Variants in MAP4K3 observed in about 807,000 individuals in gnomAD.
MAP4K3 encodes the protein MAPK/ERK kinase kinase kinase 3.
MAP4K3 carries 94 observed loss-of-function variants against 143.5 expected under a neutral mutation model. That is an observed-to-expected ratio of 0.65 (90% CI 0.55 to 0.78). The LOEUF is 0.78. Ranked by LOEUF, MAP4K3 falls within the 30% of genes least tolerant of loss-of-function variation. The pLI, the probability that MAP4K3 is intolerant of heterozygous loss-of-function variation, is 0.00. For missense variants in MAP4K3, 1,077 were observed against 1,068.1 expected (o/e 1.01, Z -0.12); for synonymous variants, 416 against 347.2 (o/e 1.20, Z -2.20).
At chr2:39,279,386 A>G (rs544664325) in intron 23 of MAP4K3, among the ~76,000 whole-genome samples, 52 of 152,312 alleles carry the variant, frequency 3.4e-4, no homozygotes, top group African/African-American at 1.3e-3. Context: ...TCTGAGTGCC[A>G]ATTTCCTTGC....
At chr2:39,309,603 G>C (rs900447694) in intron 13 of MAP4K3, 84 bp from the exon 14 acceptor site, 46 of 695,066 alleles carry the variant, frequency 6.6e-5, no homozygotes, top group Non-Finnish European at 9.6e-5. Context: ...TGTCTCCCAC[G>C]CTGGAGTGCA....
chr2:39,277,414 T>A (rs983970681), intron 24 of MAP4K3, among the ~76,000 whole-genome samples: 1 of 152,210 alleles, frequency 6.6e-6, no homozygotes, highest in African/African-American at 2.4e-5. Context: ...CTGTGGCCAA[T>A]ATCTTATACT....
chr2:39,409,209 T>C (rs1020117380), intron 1 of MAP4K3, among the ~76,000 whole-genome samples: 8 of 152,242 alleles, frequency 5.3e-5, no homozygotes, highest in Non-Finnish European at 7.3e-5. Flanking sequence ...TCCTTTTCTG[T>C]AGCTTACTAT....
At chr2:39,390,347 C>A (rs1376760219) in intron 1 of MAP4K3, among the ~76,000 whole-genome samples, 1 of 152,138 alleles carries the variant, frequency 6.6e-6, no homozygotes, top group Non-Finnish European at 1.5e-5. Context: ...AACAACTCAG[C>A]ATGGAAATTA....
chr2:39,414,145 G>A lies in MAP4K3; in HGVS notation c.96+22747C>T, dbSNP rs544121713. 6.6e-5 allele frequency among the ~76,000 whole-genome samples: 10 copies of A among 152,164 alleles called. No homozygotes were observed. The South Asian group carries it at 1.9e-3, about 28-fold the overall frequency. On this transcript the variant is annotated intron_variant, in intron 1 of 33. Coordinates refer to ENST00000263881, the MANE Select transcript of MAP4K3 (RefSeq NM_003618.4). ...AAGCAACATGTTCCTAATCTCTATA[G>A]AAATAGCCAAATCTAGAAAACAGAA... is the stretch of plus-strand genomic sequence containing the variant.
At chr2:39,307,791 GA>G (rs1480976531) in intron 15 of MAP4K3, 151 bp downstream of exon 15, 4 of 446,092 alleles carry the variant, frequency 9.0e-6, no homozygotes, top group East Asian at 7.0e-5. Context: ...CTTGTTATGG[GA>G]AAAAACTGCT....
chr2:39,270,751 A>G (rs1680982882), intron 26 of MAP4K3, among the ~76,000 whole-genome samples: 1 of 152,202 alleles, frequency 6.6e-6, no homozygotes, highest in East Asian at 1.9e-4. Context: ...GCTCTTTATC[A>G]TCAGATTAAG....
At chr2:39,357,582 T>C (rs1205344403) in intron 2 of MAP4K3, among the ~76,000 whole-genome samples, 2 of 152,222 alleles carry the variant, frequency 1.3e-5, no homozygotes, top group Non-Finnish European at 2.9e-5. Flanking sequence ...ACAGTTGTTA[T>C]GTTGGGTTCT....
chr2:39,355,467 G>C (rs1317936436), intron 3 of MAP4K3, among the ~76,000 whole-genome samples: 1 of 150,624 alleles, frequency 6.6e-6, no homozygotes, highest in South Asian at 2.1e-4. Context: ...GGGAGGTCAA[G>C]GCTGCAGTGA....
chr2:39,314,246 T>C (rs1180846882), intron 13 of MAP4K3, among the ~76,000 whole-genome samples: 4 of 152,130 alleles, frequency 2.6e-5, no homozygotes, highest in Non-Finnish European at 4.4e-5. Context: ...GCCATGCTTG[T>C]CTTGAACTCC....
chr2:39,332,053 A>T (rs996746302), intron 7 of MAP4K3, 64 bp from the exon 8 acceptor site: 10 of 881,690 alleles, frequency 1.1e-5, no homozygotes, highest in Non-Finnish European at 1.6e-5. Context: ...AAGGCAACAT[A>T]AAAAGAAACT....
chr2:39,355,485 T>TCA (rs1186142078), intron 3 of MAP4K3, among the ~76,000 whole-genome samples: 2 of 150,790 alleles, frequency 1.3e-5, no homozygotes, highest in Non-Finnish European at 2.9e-5. Flanking sequence ...TGAGCCATGA[T>TCA]CACACCACAG....
chr2:39,280,192 A>T (rs1681456422), intron 23 of MAP4K3, 80 bp downstream of exon 23: 1 of 843,446 alleles, frequency 1.2e-6, no homozygotes, highest in Non-Finnish European at 1.8e-6. Flanking sequence ...ATACTCAGAA[A>T]ATAAACAAAA....
intron 2 of MAP4K3, among the ~76,000 whole-genome samples, chr2:39,361,222 C>T (rs1665760993): frequency 6.6e-6 from 1 of 151,940 alleles, no homozygotes; most frequent in Admixed American, 6.6e-5. Flanking sequence ...TACATTATAG[C>T]AATTATATCA....
intron 2 of MAP4K3, among the ~76,000 whole-genome samples, chr2:39,373,440 A>G (rs1001456747): frequency 6.6e-6 from 1 of 152,218 alleles, no homozygotes; most frequent in Non-Finnish European, 1.5e-5. Context: ...TCCTAGATAC[A>G]TACTCAAAAG....
At chr2:39,367,041 A>C (rs1366744571) in intron 2 of MAP4K3, among the ~76,000 whole-genome samples, 1 of 152,244 alleles carries the variant, frequency 6.6e-6, no homozygotes, top group Non-Finnish European at 1.5e-5. Flanking sequence ...TTTTTTTCAG[A>C]AATGAGAATG....
At chr2:39,306,451 TAGCTTTTCA>T (rs1429183628) in intron 15 of MAP4K3, among the ~76,000 whole-genome samples, 21 of 152,214 alleles carry the variant, frequency 1.4e-4, no homozygotes, top group African/African-American at 4.3e-4. Context: ...CTGGCTCTCC[TAGCTTTTCA>T]ACTGCTTCTT....
chr2:39,347,051 C>G (rs1027773546), intron 3 of MAP4K3, among the ~76,000 whole-genome samples: 13 of 152,090 alleles, frequency 8.5e-5, no homozygotes, highest in African/African-American at 3.1e-4. Flanking sequence ...AGGTCAAAAC[C>G]ATTTTAATAA....
rs191659106 is a variant in MAP4K3, at chr2:39,376,630, C to A, written c.154+1436G>T. Among the ~76,000 whole-genome samples the A allele has an allele frequency of 7.9e-4, 121 of 152,230 alleles. 2 individuals carry two copies. The highest frequency in any genetic ancestry group is 6.0e-3 in the East Asian group (31 of 5,182). ...ATTAAAACTTAGAAACAAAGAAAGG[C>A]AAGTCTAGAATGACAATATAGCTAT... On this transcript the variant is annotated intron_variant, in intron 2 of 33. Coordinates refer to ENST00000263881, the MANE Select transcript of MAP4K3 (RefSeq NM_003618.4).
Sources: gnomAD v4.1 joint callset for allele counts (sites outside exome capture counted in the v4.1 genomes callset) on GRCh38, gnomAD v4.1.1 for gene constraint, MANE v1.5 for transcripts, NCBI Gene and HGNC (gene_info 2026-07-23, HGNC 2026-07-21) for gene names.